HS3ST3B1: variants seen among roughly 807,000 people sequenced by gnomAD.
HS3ST3B1 encodes heparan sulfate glucosamine 3-O-sulfotransferase 3B1.
Under a neutral mutation model 21.3 loss-of-function variants are expected in HS3ST3B1, and 13 were observed. The ratio of observed to expected loss-of-function variants is 0.61; its 90% CI spans 0.40 to 0.97. HS3ST3B1 has a LOEUF of 0.97. Among genes scored for constraint, HS3ST3B1 ranks in the 50% least tolerant of loss-of-function variants. The pLI, the probability that HS3ST3B1 is intolerant of heterozygous loss-of-function variation, is 0.00. For missense variants in HS3ST3B1, 459 were observed against 554.8 expected (o/e 0.83, Z 1.73); for synonymous variants, 234 against 254.8 (o/e 0.92, Z 0.78).
chr17:14,320,608 A>T (rs1430729078), intron 1 of HS3ST3B1, among the ~76,000 whole-genome samples: 3 of 152,102 alleles, frequency 2.0e-5, no homozygotes, highest in Non-Finnish European at 4.4e-5. Context: ...GTTGAATAGT[A>T]TTGAACAGAA....
Position 14,316,665 on chromosome 17 carries a change from C to T in HS3ST3B1, c.554+14593C>T, listed in dbSNP as rs77498117. Among the ~76,000 whole-genome samples the T allele has an allele frequency of 9.2e-3, 1,406 of 152,170 alleles. 23 individuals carry two copies. The highest frequency in any genetic ancestry group is 0.033 in the African/African-American group (1,352 of 41,514). ...AAATAACGTGAGTGCCACATGTAAA[C>T]ATTGGCAGCCTTGAGCTGCAAACGA... On this transcript the variant is annotated intron_variant, in intron 1 of 1. Transcript: ENST00000360954.
chr17:14,307,397 G>T (rs1909169210), intron 1 of HS3ST3B1, among the ~76,000 whole-genome samples: 1 of 145,982 alleles, frequency 6.9e-6, no homozygotes, highest in Admixed American at 7.1e-5. Flanking sequence ...TTTCTAGTTT[G>T]ATGTTTTAGT....
At chr17:14,321,637 G>A (rs1004011276) in intron 1 of HS3ST3B1, among the ~76,000 whole-genome samples, 1 of 152,112 alleles carries the variant, frequency 6.6e-6, no homozygotes, top group Admixed American at 6.6e-5. Context: ...AGCAACCCTG[G>A]CCTGTAATAT....
chr17:14,313,415 C>T (rs1293166746), intron 1 of HS3ST3B1, among the ~76,000 whole-genome samples: 1 of 152,026 alleles, frequency 6.6e-6, no homozygotes, highest in Non-Finnish European at 1.5e-5. Context: ...TGCTTCTCTG[C>T]AGGACCTCCT....
Position 14,301,864 on chromosome 17 carries a change from C to A in HS3ST3B1, c.346C>A (p.Pro116Thr), listed in dbSNP as rs768336600. 5 of 1,601,266 alleles carry A rather than the reference C, an allele frequency of 3.1e-6. No individual in the cohort carries two copies. The Admixed American group carries it at 8.6e-5, about 28-fold the overall frequency. ...CGCTGCGAGCCCGGAGGAGCAGAGT[C>A]CCGAGGTGCCGGACTCCCCAAGCCC... ...EGAASPEEQS[P>T]EVPDSPSPIS... Residue 116 changes from proline (P) to threonine (T), a missense_variant, in exon 1 of 2, where the codon CCC becomes ACC. By Grantham distance (38) the Pro-to-Thr change is conservative. Around this residue, in one of 3 missense-constraint regions of HS3ST3B1, gnomAD observed 317 missense variants for 278.6 expected, o/e 1.14. Transcript: ENST00000360954.
chr17:14,325,170 G>C (rs763221817), intron 1 of HS3ST3B1, among the ~76,000 whole-genome samples: 10 of 152,246 alleles, frequency 6.6e-5, no homozygotes, highest in Non-Finnish European at 1.3e-4. Context: ...GGCATAAAGA[G>C]ATTGCCATGG....
intron 1 of HS3ST3B1, among the ~76,000 whole-genome samples, chr17:14,315,055 A>G (rs1909454302): frequency 6.6e-6 from 1 of 152,050 alleles, no homozygotes; most frequent in African/African-American, 2.4e-5. Flanking sequence ...TGCTTCTCCT[A>G]TTTTTTACTT....
At chr17:14,336,740 A>G (rs763963424) in intron 1 of HS3ST3B1, among the ~76,000 whole-genome samples, 4 of 152,212 alleles carry the variant, frequency 2.6e-5, no homozygotes, top group Non-Finnish European at 4.4e-5. Flanking sequence ...TATTGGGAAA[A>G]AGGAAAACAG....
At chr17:14,313,136 A>ATATATATATATATGTGTGTGTG (rs1567637255) in intron 1 of HS3ST3B1, among the ~76,000 whole-genome samples, 48 of 112,798 alleles carry the variant, frequency 4.3e-4, no homozygotes, top group African/African-American at 1.8e-3. Context: ...GTGTGTGTGT[A>ATATATATATATATGTGTGTGTG]TATATATATT....
intron 1 of HS3ST3B1, among the ~76,000 whole-genome samples, chr17:14,332,450 G>A (rs1427202719): frequency 6.6e-6 from 1 of 151,882 alleles, no homozygotes; most frequent in Admixed American, 6.6e-5. Context: ...CAGCTTGGAA[G>A]TTTGCTTCTT....
Position 14,301,508 on chromosome 17 carries a change from G to A in HS3ST3B1, c.-11G>A. On this transcript the variant is annotated 5_prime_UTR_variant, in exon 1 of 2. Transcript: ENST00000360954. Reference sequence around the variant, plus strand: ...CTGAGCCATGTCCCTGGCCGCGCCCGCGGGCAGCGCATGGGGCAGCGCCTG... The same window carrying A: ...CTGAGCCATGTCCCTGGCCGCGCCCACGGGCAGCGCATGGGGCAGCGCCTG... 6.6e-7 allele frequency: 1 copy of A among 1,507,576 alleles called. No individual in the cohort carries two copies. The highest frequency in any genetic ancestry group is 8.8e-7 in the Non-Finnish European group (1 of 1,137,804). 93.4% of individuals were successfully genotyped at this position (1,507,576 alleles called of 1,614,324 possible). A position where few individuals can be genotyped will look rare whatever the true frequency, so the allele number is the denominator to read the frequency against.
At chr17:14,325,958 C>T (rs962909205) in intron 1 of HS3ST3B1, among the ~76,000 whole-genome samples, 1 of 152,184 alleles carries the variant, frequency 6.6e-6, no homozygotes, top group African/African-American at 2.4e-5. Context: ...CCAGTCCTCA[C>T]CCCCTTGGAG....
In HS3ST3B1 at chr17:14,301,160, C is replaced by T. The variant is rs962755585; in HGVS notation, c.-359C>T. The T allele has an allele frequency of 1.1e-5, 3 of 282,834 alleles. No individual in the cohort carries two copies. The highest frequency in any genetic ancestry group is 5.4e-5 in the Admixed American group (1 of 18,596). 17.5% of individuals were successfully genotyped at this position (282,834 alleles called of 1,614,324 possible). Reference sequence around the variant, plus strand: ...TTCTTAGGACTGCAAGGAGGCAGCCCCGGCGTGCGGCGGTGCGCACAGTCT... The same window carrying T: ...TTCTTAGGACTGCAAGGAGGCAGCCTCGGCGTGCGGCGGTGCGCACAGTCT... On this transcript the variant is annotated 5_prime_UTR_variant, in exon 1 of 2. Transcript: ENST00000360954.
chr17:14,334,057 G>A (rs185570155), intron 1 of HS3ST3B1, among the ~76,000 whole-genome samples: 107 of 152,282 alleles, frequency 7.0e-4, no homozygotes, highest in African/African-American at 2.4e-3. Context: ...CACCGCGCCC[G>A]GCCAAGGCTG....
rs765985574 is a variant in HS3ST3B1 at position 14,301,797 on chromosome 17, G to T, written c.279G>T (p.Pro93=). The T allele has an allele frequency of 1.9e-6, 3 of 1,556,172 alleles. No homozygotes were observed. Among genetic ancestry groups the T allele is most frequent in the South Asian group, 1.2e-5 (1 of 84,774 alleles). ...CCCCCAGGCTGCCGTTCCGGGCGCC[G>T]CCAGCCACCCCACTGGCTTCAGGCA... ...GTPPRLPFRA[P]PATPLASGKE... is the part of the protein sequence containing the mutation. Residue 93 remains proline, a synonymous_variant, in exon 1 of 2, where the codon CCG becomes CCT. Transcript: ENST00000360954.
chr17:14,325,286 A>G (rs781454284), intron 1 of HS3ST3B1, among the ~76,000 whole-genome samples: 12 of 152,270 alleles, frequency 7.9e-5, no homozygotes, highest in South Asian at 4.1e-4. Flanking sequence ...TCATGCTCTC[A>G]TCAAGGTATA....
chr17:14,338,236 C>T (rs1437887862), intron 1 of HS3ST3B1, among the ~76,000 whole-genome samples: 13 of 151,652 alleles, frequency 8.6e-5, no homozygotes. Flanking sequence ...AGTGATTCTC[C>T]TGCCTCAGCC....
At chr17:14,308,592 C>T (rs1193735142) in intron 1 of HS3ST3B1, among the ~76,000 whole-genome samples, 1 of 152,148 alleles carries the variant, frequency 6.6e-6, no homozygotes, top group East Asian at 1.9e-4. Context: ...TTAAAGAGTA[C>T]TGTCCGAGAG....
At chr17:14,332,401 A>C (rs1910042479) in intron 1 of HS3ST3B1, among the ~76,000 whole-genome samples, 1 of 151,364 alleles carries the variant, frequency 6.6e-6, no homozygotes, top group African/African-American at 2.4e-5. Flanking sequence ...CCCTCCCCCC[A>C]TAACCTGCCA....
Sources: gnomAD v4.1 joint callset for allele counts (sites outside exome capture counted in the v4.1 genomes callset) on GRCh38, gnomAD v4.1.1 for gene constraint, gnomAD v4.1.1 regional missense constraint, MANE v1.5 for transcripts, NCBI Gene and HGNC (gene_info 2026-07-23, HGNC 2026-07-21) for gene names.